The following PRKD1 variants were observed in gnomAD, a reference collection of about 807,000 sequenced individuals.
The protein encoded by PRKD1 is protein kinase D1, also known as serine/threonine-protein kinase D1.
Under a neutral mutation model 95.9 loss-of-function variants are expected in PRKD1, and 63 were observed. The observed-to-expected ratio is 0.66, with a 90% CI of 0.54 to 0.81. The LOEUF is 0.81. Among genes scored for constraint, PRKD1 ranks in the 30% least tolerant of loss-of-function variants. The probability of loss-of-function intolerance (pLI) is 0.00; values close to 1 mark genes in which losing one functional copy is unlikely to be tolerated. For synonymous variants in PRKD1, 425 were observed against 423.1 expected (o/e 1.00, Z -0.05); for missense variants, 1,048 against 1,165.3 (o/e 0.90, Z 1.47).
chr14:29,588,150 C>T (rs969904968), intron 16 of PRKD1, among the ~76,000 whole-genome samples: 4 of 152,140 alleles, frequency 2.6e-5, no homozygotes, highest in Admixed American at 1.3e-4. Context: ...TTTTGTTTCG[C>T]GTACCATTGG....
At chr14:29,744,804 C>T (rs1887138922) in intron 1 of PRKD1, among the ~76,000 whole-genome samples, 1 of 152,130 alleles carries the variant, frequency 6.6e-6, no homozygotes, top group East Asian at 1.9e-4. Context: ...GCCTTGGCCT[C>T]CCAAAGCGCT....
At chr14:29,826,712 T>TATATATACAC (rs1566622474) in intron 1 of PRKD1, among the ~76,000 whole-genome samples, 22 of 38,626 alleles carry the variant, frequency 5.7e-4, no homozygotes, top group African/African-American at 1.4e-3. Context: ...TATATACACA[T>TATATATACAC]ATATATATAC....
chr14:29,599,725 C>T lies in PRKD1; in HGVS notation c.1998G>A (p.Met666Ile). 6.2e-7 allele frequency: 1 copy of T among 1,613,528 alleles called. No individual in the cohort carries two copies. Among genetic ancestry groups the T allele is most frequent in the Non-Finnish European group, 8.5e-7 (1 of 1,179,756 alleles). The change falls in exon 14 of 18, where the codon ATG (methionine) becomes ATA (isoleucine). Residue 666 changes from methionine (M) to isoleucine (I), a missense_variant. By Grantham distance (10) the Met-to-Ile change is conservative (BLOSUM62 1). Transcript: ENST00000331968. ...FVVMEKLHGD[M>I]LEMILSSEKG... ...TTTCACTTGACAAGATCATTTCCAGCATGTCTCCATGGAGTTTTTCCATAA... is the reference window on the plus strand; with the variant it reads ...TTTCACTTGACAAGATCATTTCCAGTATGTCTCCATGGAGTTTTTCCATAA...
At chr14:29,880,793 C>T (rs1032179858) in intron 1 of PRKD1, among the ~76,000 whole-genome samples, 1 of 152,202 alleles carries the variant, frequency 6.6e-6, no homozygotes, top group African/African-American at 2.4e-5. Flanking sequence ...GGATGTGAGA[C>T]CTGGAGTCAA....
chr14:29,674,712 T>C (rs571399902), intron 2 of PRKD1, among the ~76,000 whole-genome samples: 1 of 152,304 alleles, frequency 6.6e-6, no homozygotes, highest in African/African-American at 2.4e-5. Flanking sequence ...CTAATTTACA[T>C]GAGGAACACC....
intron 1 of PRKD1, among the ~76,000 whole-genome samples, chr14:29,728,780 G>A (rs989059050): frequency 6.6e-6 from 1 of 152,060 alleles, no homozygotes; most frequent in Non-Finnish European, 1.5e-5. Context: ...TCCGTTTCTT[G>A]TGGGTAAATA....
intron 2 of PRKD1, among the ~76,000 whole-genome samples, chr14:29,713,151 G>C (rs907555919): frequency 2.6e-5 from 4 of 152,068 alleles, no homozygotes; most frequent in African/African-American, 7.2e-5. Context: ...ACTGAATATG[G>C]AAATAAAGTA....
At chr14:29,790,406 A>T (rs1378230081) in intron 1 of PRKD1, among the ~76,000 whole-genome samples, 1 of 152,160 alleles carries the variant, frequency 6.6e-6, no homozygotes, top group Admixed American at 6.5e-5. Context: ...TGTGCCATAA[A>T]TACTGCCAGT....
Position 29,611,930 on chromosome 14 carries a change from C to T in PRKD1, c.1906-12113G>A, listed in dbSNP as rs543186098. Among the ~76,000 whole-genome samples, 63 of 152,190 alleles carry T rather than the reference C, an allele frequency of 4.1e-4. 1 individual carries two copies. Among genetic ancestry groups the T allele is most frequent in the Middle Eastern group, 6.8e-3 (2 of 292 alleles). ...GGCTGGAAACAGTAACACAAAAATC[C>T]AATCTAGGCTTGGCATTAGATTTTA... On this transcript the variant is annotated intron_variant, in intron 13 of 17. Transcript: ENST00000331968.
At chr14:29,707,363 T>C (rs1885142147) in intron 2 of PRKD1, among the ~76,000 whole-genome samples, 1 of 152,130 alleles carries the variant, frequency 6.6e-6, no homozygotes, top group Non-Finnish European at 1.5e-5. Flanking sequence ...GTAAGGGATG[T>C]AGTTATTTAA....
chr14:29,708,155 T>G (rs553644648), intron 2 of PRKD1, among the ~76,000 whole-genome samples: 1 of 152,040 alleles, frequency 6.6e-6, no homozygotes. Context: ...AAGATGACAT[T>G]AGGAAGGACA....
rs186596266 is a variant in PRKD1 at position 29,792,187 on chromosome 14, A to G, written c.265-66513T>C. Among the ~76,000 whole-genome samples, 3 of 152,230 alleles carry G rather than the reference A, an allele frequency of 2.0e-5. No homozygotes were observed. In the East Asian group the frequency reaches 5.8e-4, roughly 29 times the overall value. ...GTACACAAAATCGTGTTCTAATATA[A>G]AAATATGAAACTTAAAGTCAAAATT... is the stretch of plus-strand genomic sequence containing the variant. On this transcript the variant is annotated intron_variant, in intron 1 of 17. Transcript: ENST00000331968.
intron 1 of PRKD1, among the ~76,000 whole-genome samples, chr14:29,805,879 T>C (rs1463944189): frequency 6.6e-6 from 1 of 152,098 alleles, no homozygotes; most frequent in Admixed American, 6.5e-5. Context: ...AAGGGGAATA[T>C]GCAATGAGGA....
chr14:29,663,736 G>A lies in PRKD1; in HGVS notation c.659C>T (p.Ala220Val), dbSNP rs781709887. The stretch of plus-strand genomic sequence containing the variant: ...ATCAGGGGCACTTGTAGAGAGTTCA[G>A]CAGATGATGTGCGGATGGTGCTGAC... ...TGVSTIRTSS[A>V]ELSTSAPDEP... The change falls in exon 4 of 18, where the codon GCT (alanine) becomes GTT (valine). Residue 220 changes from alanine (A) to valine (V), a missense_variant. By Grantham distance (64) the Ala-to-Val change is moderately conservative (BLOSUM62 0). This residue lies in a region of PRKD1 where 275 missense variants were observed against 248.6 expected (regional missense o/e 1.11). Transcript: ENST00000331968. 1.9e-6 allele frequency: 3 copies of A among 1,614,056 alleles called. No individual in the cohort carries two copies. The highest frequency in any genetic ancestry group is 2.5e-6 in the Non-Finnish European group (3 of 1,179,952).
intron 3 of PRKD1, among the ~76,000 whole-genome samples, chr14:29,664,714 C>T (rs576520647): frequency 1.9e-4 from 29 of 152,256 alleles, no homozygotes; most frequent in African/African-American, 6.0e-4. Flanking sequence ...CCTCCCAATC[C>T]AAAGAGAATA....
chr14:29,702,907 T>G (rs1195719865), intron 2 of PRKD1, among the ~76,000 whole-genome samples: 1 of 152,238 alleles, frequency 6.6e-6, no homozygotes, highest in Non-Finnish European at 1.5e-5. Flanking sequence ...GTTTGTTCTT[T>G]TTAACCTGAA....
At chr14:29,771,887 T>C (rs11625457) in intron 1 of PRKD1, among the ~76,000 whole-genome samples, 3,075 of 152,328 alleles carry the variant, frequency 0.02, 104 homozygotes, top group Admixed American at 0.087. Flanking sequence ...TGTGGACTTA[T>C]TGCAACTTGT....
At chr14:29,676,077 C>A (rs1314937744) in intron 2 of PRKD1, among the ~76,000 whole-genome samples, 1 of 151,526 alleles carries the variant, frequency 6.6e-6, no homozygotes, top group African/African-American at 2.4e-5. Context: ...ATGTAACAAA[C>A]CTGCACGTTG....
intron 1 of PRKD1, among the ~76,000 whole-genome samples, chr14:29,826,954 T>A (rs1594555275): frequency 1.4e-5 from 2 of 145,542 alleles, no homozygotes; most frequent in Admixed American, 1.4e-4. Flanking sequence ...GAGACTATTA[T>A]CCTAAGTGAA....
Sources: allele counts gnomAD v4.1 joint callset (sites outside exome capture counted in the v4.1 genomes callset), GRCh38; gene constraint gnomAD v4.1.1; regional missense constraint gnomAD v4.1.1; transcripts MANE v1.5; gene names NCBI Gene and HGNC (gene_info 2026-07-23, HGNC 2026-07-21).